The following PDK1 variants were observed in gnomAD, a reference collection of about 807,000 sequenced individuals.
PDK1 encodes pyruvate dehydrogenase kinase 1.
PDK1 carries 39 observed loss-of-function variants against 54.2 expected under a neutral mutation model. The observed-to-expected ratio is 0.72, with a 90% confidence interval of 0.56 to 0.94. PDK1 has a LOEUF of 0.94. PDK1 is among the 40% of genes least tolerant of loss of function. The probability of loss-of-function intolerance (pLI) is 0.00; values close to 1 mark genes in which losing one functional copy is unlikely to be tolerated. For synonymous variants in PDK1, 221 were observed against 207.1 expected (o/e 1.07, Z -0.58); for missense variants, 552 against 566.0 (o/e 0.98, Z 0.25).
At chr2:172,575,278 C>CTGTA (rs1490670238) in intron 8 of PDK1, among the ~76,000 whole-genome samples, 1 of 152,018 alleles carries the variant, frequency 6.6e-6, no homozygotes, top group Non-Finnish European at 1.5e-5. Context: ...GTTTATTGGT[C>CTGTA]TGTAGTTTCT....
chr2:172,714,958 A>T, the PDK1 span, among the ~76,000 whole-genome samples: 1 of 152,226 alleles, frequency 6.6e-6, no homozygotes, highest in African/African-American at 2.4e-5. Flanking sequence ...AAATGAATAT[A>T]GATTTTCTAT....
rs998053830 is a variant in PDK1 at position 172,580,857 on chromosome 2, A to G, written c.946-5421A>G. ...ATGCTAAGTGAAAGAAGCCAATCAC[A>G]AAAGGCCACATATTATATGATATTA... On this transcript the variant is annotated intron_variant, in intron 8 of 10. Transcript: ENST00000282077. Among the ~76,000 whole-genome samples the G allele has an allele frequency of 8.5e-5, 13 of 152,340 alleles. No individual in the cohort carries two copies. In the East Asian group the frequency reaches 1.7e-3, roughly 20 times the overall value.
At chr2:172,685,483 C>T in the PDK1 span, among the ~76,000 whole-genome samples, 2 of 152,206 alleles carry the variant, frequency 1.3e-5, no homozygotes, top group African/African-American at 2.4e-5. Context: ...AACCAGTAGA[C>T]TAAGACACAG....
chr2:172,666,437 A>T, the PDK1 span, among the ~76,000 whole-genome samples: 2 of 152,186 alleles, frequency 1.3e-5, no homozygotes, highest in African/African-American at 4.8e-5. Context: ...TATCTTGTGG[A>T]TGGAGCAATG....
chr2:172,661,907 C>G, the PDK1 span, among the ~76,000 whole-genome samples: 1 of 152,174 alleles, frequency 6.6e-6, no homozygotes, highest in Non-Finnish European at 1.5e-5. Context: ...AAGCATCAGG[C>G]AACATGCCCA....
the PDK1 span, among the ~76,000 whole-genome samples, chr2:172,694,906 CA>C: frequency 2.6e-5 from 4 of 152,116 alleles, no homozygotes; most frequent in African/African-American, 4.8e-5. Flanking sequence ...CACTTGAGGT[CA>C]GGAGTTCAAG....
At chr2:172,713,027 G>A in the PDK1 span, among the ~76,000 whole-genome samples, 1 of 152,160 alleles carries the variant, frequency 6.6e-6, no homozygotes, top group Admixed American at 6.5e-5. Context: ...CCTGGTGTGG[G>A]TAGCTCCTAT....
At chr2:172,592,571 C>T (rs1413634622) in intron 9 of PDK1, among the ~76,000 whole-genome samples, 1 of 152,172 alleles carries the variant, frequency 6.6e-6, no homozygotes, top group Non-Finnish European at 1.5e-5. Flanking sequence ...GCTTATGCTG[C>T]TCTTCTCCCC....
chr2:172,660,415 C>A, the PDK1 span, among the ~76,000 whole-genome samples: 20 of 151,686 alleles, frequency 1.3e-4, no homozygotes, highest in African/African-American at 4.3e-4. Flanking sequence ...CTCCACCACA[C>A]CCTGCTAATT....
rs55753852 is a variant in PDK1, at chr2:172,557,610, C to CGTGTGTGTGTGTGTGT, written c.197-1077_197-1062dup. On this transcript the variant is annotated intron_variant, in intron 1 of 10. Transcript: ENST00000282077. The stretch of plus-strand genomic sequence containing the variant: ...TTCCTCTGCACTTACTCTTTTTTCC[C>CGTGTGTGTGTGTGTGT]GTGTGTGTGTGTGTGTGTGTGTGTG... 1.3e-3 allele frequency among the ~76,000 whole-genome samples: 189 copies of CGTGTGTGTGTGTGTGT among 142,018 alleles called. 2 individuals carry two copies. Among genetic ancestry groups the CGTGTGTGTGTGTGTGT allele is most frequent in the African/African-American group, 4.9e-3 (184 of 37,844 alleles). 93.2% of individuals were successfully genotyped at this position (142,018 alleles called of 152,430 possible).
At chr2:172,690,456 A>T in the PDK1 span, among the ~76,000 whole-genome samples, 1 of 150,388 alleles carries the variant, frequency 6.6e-6, no homozygotes, top group Non-Finnish European at 1.5e-5. Flanking sequence ...TTCCTCAGGG[A>T]TCTAGAACTA....
At chr2:172,696,870 C>T in the PDK1 span, among the ~76,000 whole-genome samples, 4 of 152,068 alleles carry the variant, frequency 2.6e-5, no homozygotes, top group African/African-American at 9.7e-5. Context: ...GTGTTACACA[C>T]CTTTGAATAT....
At chr2:172,635,584 G>A in the PDK1 span, among the ~76,000 whole-genome samples, 10 of 152,262 alleles carry the variant, frequency 6.6e-5, no homozygotes, top group African/African-American at 7.2e-5. Context: ...CCAAAGTGCC[G>A]GGATTACAGG....
the PDK1 span, among the ~76,000 whole-genome samples, chr2:172,714,468 T>A: frequency 6.6e-6 from 1 of 152,102 alleles, no homozygotes. Context: ...ATTACCATAC[T>A]TTTCTGTATC....
the PDK1 span, among the ~76,000 whole-genome samples, chr2:172,653,145 A>G: frequency 1.3e-5 from 2 of 152,188 alleles, no homozygotes; most frequent in African/African-American, 2.4e-5. Flanking sequence ...GGAACAGAAC[A>G]GAGCCCTCGG....
the PDK1 span, chr2:172,691,296 G>A: frequency 6.6e-6 from 1 of 150,396 alleles, no homozygotes; most frequent in Non-Finnish European, 1.5e-5. Context: ...TCGTCCTGAA[G>A]CGATCCTGTT....
the PDK1 span, among the ~76,000 whole-genome samples, chr2:172,700,290 G>A: frequency 1.3e-5 from 2 of 151,906 alleles, no homozygotes; most frequent in Non-Finnish European, 2.9e-5. Flanking sequence ...CAGACGGGGT[G>A]GCGGCCGGGC....
chr2:172,587,142 T>G (rs892674794), intron 9 of PDK1, among the ~76,000 whole-genome samples: 3 of 152,230 alleles, frequency 2.0e-5, no homozygotes, highest in Non-Finnish European at 2.9e-5. Flanking sequence ...GATAGTTTTG[T>G]GTCCGGAATT....
chr2:172,690,672 CG>C, the PDK1 span, among the ~76,000 whole-genome samples: 13 of 150,086 alleles, frequency 8.7e-5, 1 homozygote, highest in African/African-American at 2.7e-4. Context: ...TACGCAGCCA[CG>C]AAAAAGGATG....
Sources: allele counts gnomAD v4.1 joint callset (sites outside exome capture counted in the v4.1 genomes callset), GRCh38; gene constraint gnomAD v4.1.1; transcripts MANE v1.5; gene names NCBI Gene and HGNC (gene_info 2026-07-23, HGNC 2026-07-21).